The following DNAH17 variants were observed in gnomAD, a reference collection of about 807,000 sequenced individuals.
The protein encoded by DNAH17 is dynein axonemal heavy chain 17, also known as axonemal beta dynein heavy chain 17.
In DNAH17, 376 loss-of-function variants were observed where a neutral mutation model predicts 485.6. The observed-to-expected ratio is 0.77, with a 90% CI of 0.71 to 0.84. DNAH17 has a LOEUF of 0.84. Among genes scored for constraint, DNAH17 ranks in the 40% least tolerant of loss-of-function variants. The probability of loss-of-function intolerance (pLI) is 0.00; values close to 1 mark genes in which losing one functional copy is unlikely to be tolerated. For synonymous variants in DNAH17, 3,031 were observed against 2,405.9 expected, an observed-to-expected ratio of 1.26 and a Z score of -7.60; for missense variants, 6,370 against 5,839.3, an observed-to-expected ratio of 1.09 and a Z score of -2.96.
chr17:78,530,545 G>A, intron 20 of DNAH17, 33 bp from the exon 21 acceptor site: 2 of 1,578,870 alleles, frequency 1.3e-6, no homozygotes, highest in South Asian at 2.3e-5. Context: ...GCCTGTCATA[G>A]CCTGCAAGCC....
chr17:78,575,050 A>G lies in DNAH17; in HGVS notation c.8T>C (p.Met3Thr), dbSNP rs2143762635. Residue 3 changes from methionine (M) to threonine (T), a missense_variant, in exon 2 of 81, where the codon ATG (methionine) becomes ACG (threonine). Physicochemically the swap from Met to Thr is moderately conservative, Grantham distance 81. Coordinates refer to ENST00000389840, the MANE Select transcript of DNAH17 (RefSeq NM_173628.4). MT[M>T]APDVRLEYLE... ...ATACTCTAGTCTGACGTCCGGGGCC[A>G]TTGTCATCTTGGCCTTTCCTTACAC... The G allele has an allele frequency of 1.2e-6, 2 of 1,612,160 alleles. No individual in the cohort carries two copies. Among genetic ancestry groups the G allele is most frequent in the East Asian group, 2.2e-5 (1 of 44,842 alleles).
intron 71 of DNAH17, 112 bp from the exon 72 acceptor site, chr17:78,441,311 C>T (rs576870528): frequency 6.5e-6 from 8 of 1,225,376 alleles, no homozygotes; most frequent in East Asian, 4.9e-5. Flanking sequence ...GGACTTTCTT[C>T]AGCGGGACAA....
chr17:78,511,251 G>C (rs1026911761), intron 26 of DNAH17, among the ~76,000 whole-genome samples: 19 of 152,212 alleles, frequency 1.2e-4, no homozygotes, highest in Non-Finnish European at 2.1e-4. Flanking sequence ...GGGACTACAG[G>C]CACGTACCAC....
At chr17:78,506,047 ACACT>A (rs1471774855) in intron 30 of DNAH17, among the ~76,000 whole-genome samples, 1 of 152,068 alleles carries the variant, frequency 6.6e-6, no homozygotes, top group African/African-American at 2.4e-5. Flanking sequence ...CCCAAGCCAC[ACACT>A]CAGTCTATTC....
intron 1 of DNAH17, among the ~76,000 whole-genome samples, chr17:78,575,302 G>A (rs574879006): frequency 7.9e-5 from 12 of 152,346 alleles, no homozygotes; most frequent in African/African-American, 2.6e-4. Context: ...CGGGAGTGAG[G>A]CTGCCCAAAA....
At chr17:78,521,240 T>C (rs2090925295) in intron 25 of DNAH17, among the ~76,000 whole-genome samples, 1 of 152,052 alleles carries the variant, frequency 6.6e-6, no homozygotes, top group African/African-American at 2.4e-5. Flanking sequence ...ACCCCATCTC[T>C]ACTGAAAATA....
intron 7 of DNAH17, 113 bp downstream of exon 7, chr17:78,570,134 T>G: frequency 7.9e-7 from 1 of 1,269,846 alleles, no homozygotes; most frequent in Non-Finnish European, 1.1e-6. Context: ...TGTGCTGACA[T>G]CTTGGCCTGC....
At chr17:78,441,775 T>C (rs953718846) in intron 71 of DNAH17, among the ~76,000 whole-genome samples, 4 of 152,192 alleles carry the variant, frequency 2.6e-5, no homozygotes, top group African/African-American at 9.6e-5. Context: ...GTATAAAGAA[T>C]GAATCACCTG....
chr17:78,428,275 C>T (rs1323787667), intron 77 of DNAH17: 35 of 549,514 alleles, frequency 6.4e-5, no homozygotes, highest in Non-Finnish European at 9.2e-5. Flanking sequence ...CTTGGAGCCG[C>T]ATCCACACCC....
At chr17:78,546,329 T>C (rs2091763183) in intron 16 of DNAH17, among the ~76,000 whole-genome samples, 1 of 152,238 alleles carries the variant, frequency 6.6e-6, no homozygotes, top group Admixed American at 6.5e-5. Context: ...TTCCATTTTG[T>C]TTTAGATATC....
At chr17:78,516,760 G>C (rs545754692) in intron 25 of DNAH17, among the ~76,000 whole-genome samples, 4 of 150,222 alleles carry the variant, frequency 2.7e-5, no homozygotes, top group Non-Finnish European at 4.4e-5. Context: ...AAAGTATCAA[G>C]AGGCCTTCAA....
Position 78,475,843 on chromosome 17 carries a change from GAAAA to G in DNAH17, c.8155-14_8155-11del, listed in dbSNP as rs202011737. 4 of 1,580,846 alleles carry G rather than the reference GAAAA, an allele frequency of 2.5e-6. No individual in the cohort carries two copies. Among genetic ancestry groups the G allele is most frequent in the Non-Finnish European group, 3.4e-6 (4 of 1,166,422 alleles). On this transcript the variant is annotated splice_polypyrimidine_tract_variant and intron_variant, in intron 52 of 80. Coordinates refer to ENST00000389840, the MANE Select transcript of DNAH17 (RefSeq NM_173628.4). The stretch of plus-strand genomic sequence containing the variant: ...GTTCATCACCAAGATCCTAGAAAAA[GAAAA>G]AAAAAGACGATACTTCCGGTTTTTG...
At chr17:78,433,118 T>A (rs1262037412) in intron 75 of DNAH17, among the ~76,000 whole-genome samples, 1 of 151,722 alleles carries the variant, frequency 6.6e-6, no homozygotes, top group Non-Finnish European at 1.5e-5. Flanking sequence ...AGGCCGAGAG[T>A]GAGGAGGAGG....
chr17:78,553,530 G>C (rs144815607), intron 14 of DNAH17, among the ~76,000 whole-genome samples: 2 of 151,946 alleles, frequency 1.3e-5, no homozygotes, highest in Non-Finnish European at 2.9e-5. Flanking sequence ...TTGAACTCCT[G>C]ACCTCAAATG....
At chr17:78,526,506 G>A in intron 24 of DNAH17, 145 bp downstream of exon 24, 1 of 643,650 alleles carries the variant, frequency 1.6e-6, no homozygotes, top group South Asian at 2.1e-5. Flanking sequence ...GTATGTGCAT[G>A]CATACACATA....
chr17:78,460,339 T>TGTGTGCATGC lies in DNAH17; in HGVS notation c.9340-83_9340-82insGCATGCACAC, dbSNP rs1420017134. On this transcript the variant is annotated intron_variant, in intron 58 of 80. Coordinates refer to ENST00000389840, the MANE Select transcript of DNAH17 (RefSeq NM_173628.4). ...GCGTGTACGTGCATGTGTGTGCATG[T>TGTGTGCATGC]GTGTGCATGTGTGTGCATGTATGCA... is the stretch of plus-strand genomic sequence containing the variant. 17 of 922,982 alleles carry TGTGTGCATGC rather than the reference T, an allele frequency of 1.8e-5. No homozygotes were observed. In the East Asian group the frequency reaches 3.7e-4, roughly 20 times the overall value. The allele number at this position is 922,982 out of a possible 1,614,324, so 57.2% of individuals were successfully genotyped here. A position where few individuals can be genotyped will look rare whatever the true frequency, so the allele number is the denominator to read the frequency against.
intron 25 of DNAH17, among the ~76,000 whole-genome samples, chr17:78,522,074 G>A (rs554640525): frequency 2.6e-5 from 4 of 152,264 alleles, no homozygotes; most frequent in East Asian, 1.9e-4. Flanking sequence ...GAAATTACTC[G>A]CAATCACAAC....
chr17:78,469,071 C>T (rs1283611088), intron 54 of DNAH17, among the ~76,000 whole-genome samples, 188 bp from the exon 55 acceptor site: 1 of 152,268 alleles, frequency 6.6e-6, no homozygotes, highest in Non-Finnish European at 1.5e-5. Flanking sequence ...TCAAGCAATT[C>T]TCTTGCCTCA....
chr17:78,537,624 C>T (rs532334121), intron 18 of DNAH17, 143 bp from the exon 19 acceptor site: 39 of 994,956 alleles, frequency 3.9e-5, no homozygotes, highest in South Asian at 9.5e-5. Flanking sequence ...CGTGTCTCAG[C>T]GCACCCCGCT....
Sources: gnomAD v4.1 joint callset for allele counts (sites outside exome capture counted in the v4.1 genomes callset) on GRCh38, gnomAD v4.1.1 for gene constraint, MANE v1.5 for transcripts, NCBI Gene and HGNC (gene_info 2026-07-23, HGNC 2026-07-21) for gene names.